ARID4A: variants seen among roughly 807,000 people sequenced by gnomAD.
The protein encoded by ARID4A is AT-rich interaction domain 4A.
Under a neutral mutation model 148.6 loss-of-function variants are expected in ARID4A, and 39 were observed. The ratio of observed to expected loss-of-function variants is 0.26; its 90% confidence interval spans 0.20 to 0.34. ARID4A has a LOEUF of 0.34. Among genes scored for constraint, ARID4A ranks in the 10% least tolerant of loss-of-function variants. The pLI is 1.00. For missense variants in ARID4A, 1,265 were observed against 1,449.1 expected, an observed-to-expected ratio of 0.87 and a Z score of 2.06; for synonymous variants, 475 against 481.2, an observed-to-expected ratio of 0.99 and a Z score of 0.17.
intron 5 of ARID4A, among the ~76,000 whole-genome samples, chr14:58,313,655 A>C (rs2032206831): frequency 6.6e-6 from 1 of 152,184 alleles, no homozygotes; most frequent in Non-Finnish European, 1.5e-5. Flanking sequence ...AGATGCCAAT[A>C]GCTAGGCTCT....
intron 3 of ARID4A, 123 bp from the exon 4 acceptor site, chr14:58,304,821 A>G (rs1261904426): frequency 2.5e-6 from 2 of 786,378 alleles, no homozygotes; most frequent in Non-Finnish European, 4.2e-6. Flanking sequence ...TAAGTATTAC[A>G]TTAGCAGGGG....
intron 13 of ARID4A, among the ~76,000 whole-genome samples, 171 bp from the exon 14 acceptor site, chr14:58,346,849 G>A (rs2034389024): frequency 7.3e-6 from 1 of 137,870 alleles, no homozygotes; most frequent in South Asian, 2.4e-4. Context: ...GATCACTTGA[G>A]CCCAGGAGGT....
At chr14:58,308,154 A>C (rs2031754434) in intron 5 of ARID4A, among the ~76,000 whole-genome samples, 1 of 152,208 alleles carries the variant, frequency 6.6e-6, no homozygotes, top group Admixed American at 6.5e-5. Context: ...GTTTCTAAAA[A>C]CTAGTCACTG....
At chr14:58,358,201 G>A (rs1263145283) in intron 17 of ARID4A, among the ~76,000 whole-genome samples, 1 of 152,136 alleles carries the variant, frequency 6.6e-6, no homozygotes, top group African/African-American at 2.4e-5. Flanking sequence ...GGGTCCAGTG[G>A]CTCACCCCTA....
At chr14:58,335,690 A>G (rs1038146083) in intron 11 of ARID4A, among the ~76,000 whole-genome samples, 6 of 151,972 alleles carry the variant, frequency 3.9e-5, no homozygotes, top group Non-Finnish European at 5.9e-5. Flanking sequence ...CCCTAAACCT[A>G]TCCTTTCCCT....
chr14:58,319,226 AT>A (rs11328441), intron 7 of ARID4A, among the ~76,000 whole-genome samples: 105,226 of 146,300 alleles, frequency 0.72, 38,063 homozygotes, highest in Middle Eastern at 0.87. Context: ...CACCCAGCTA[AT>A]TTTTTTTTTT....
chr14:58,327,548 T>C (rs2033285468), intron 8 of ARID4A, among the ~76,000 whole-genome samples: 1 of 152,172 alleles, frequency 6.6e-6, no homozygotes, highest in African/African-American at 2.4e-5. Context: ...AAGATCCTTA[T>C]TCAAGTATAT....
chr14:58,299,874 ACT>A lies in ARID4A; in HGVS notation c.6+17_6+18del. The stretch of plus-strand genomic sequence containing the variant: ...ACAAAAATGAAGGTAAGTGGAGTCA[ACT>A]CTGCCCCGATCCTCGCGCCCTGAAC... On this transcript the variant is annotated intron_variant, in intron 2 of 23. Coordinates refer to ENST00000355431, the MANE Select transcript of ARID4A (RefSeq NM_002892.4). The A allele has an allele frequency of 3.7e-6, 6 of 1,614,118 alleles. No homozygotes were observed. Among genetic ancestry groups the A allele is most frequent in the Non-Finnish European group, 5.1e-6 (6 of 1,180,020 alleles).
At chr14:58,330,238 A>C in intron 11 of ARID4A, 69 bp downstream of exon 11, 1 of 1,532,708 alleles carries the variant, frequency 6.5e-7, no homozygotes, top group African/African-American at 1.4e-5. Flanking sequence ...ACCTTCATAT[A>C]TTTTTCCCTC....
intron 23 of ARID4A, among the ~76,000 whole-genome samples, chr14:58,367,868 G>C (rs1368517147): frequency 6.6e-6 from 1 of 152,170 alleles, no homozygotes; most frequent in African/African-American, 2.4e-5. Flanking sequence ...AACTGTCCCA[G>C]CAGATGAGAT....
At chr14:58,369,302 C>T (rs1468897418) in intron 23 of ARID4A, among the ~76,000 whole-genome samples, 1 of 152,052 alleles carries the variant, frequency 6.6e-6, no homozygotes, top group Non-Finnish European at 1.5e-5. Context: ...ATCACCAAAG[C>T]ATATGAAATT....
intron 22 of ARID4A, 58 bp downstream of exon 22, chr14:58,366,288 A>G (rs1254765329): frequency 7.8e-7 from 1 of 1,279,380 alleles, no homozygotes; most frequent in Admixed American, 2.0e-5. Flanking sequence ...TAGATCTTAA[A>G]ATATCAACTT....
chr14:58,361,146 C>G, intron 19 of ARID4A, 104 bp downstream of exon 19: 1 of 1,450,838 alleles, frequency 6.9e-7, no homozygotes, highest in Non-Finnish European at 9.1e-7. Flanking sequence ...AAATCAATAA[C>G]ATAAATAATA....
intron 5 of ARID4A, among the ~76,000 whole-genome samples, chr14:58,316,813 C>T (rs60038349): frequency 1.3e-5 from 2 of 152,054 alleles, no homozygotes; most frequent in East Asian, 3.9e-4. Flanking sequence ...CTCCCGACCT[C>T]AGGTGGTCCG....
At position 58,314,344 on chromosome 14, in the gene ARID4A, A is replaced by G. The variant is rs1015857506; in HGVS notation, c.275-4198A>G. Among the ~76,000 whole-genome samples, 4 of 152,206 alleles carry G rather than the reference A, an allele frequency of 2.6e-5. No individual in the cohort carries two copies. The East Asian group carries it at 7.7e-4, about 29-fold the overall frequency. On this transcript the variant is annotated intron_variant, in intron 5 of 23. Coordinates refer to ENST00000355431, the MANE Select transcript of ARID4A (RefSeq NM_002892.4). ...GCTCTAAGATGGAAGTTAAGAGAGGAACTTTCTTTTAGATGGAGCTTCTTC... is the reference window on the plus strand; with the variant it reads ...GCTCTAAGATGGAAGTTAAGAGAGGGACTTTCTTTTAGATGGAGCTTCTTC...
At chr14:58,328,469 TG>T (rs1237648130) in intron 9 of ARID4A, among the ~76,000 whole-genome samples, 153 bp downstream of exon 9, 1 of 152,162 alleles carries the variant, frequency 6.6e-6, no homozygotes, top group African/African-American at 2.4e-5. Flanking sequence ...CTTTTTGTAA[TG>T]TAGGGTATTT....
intron 7 of ARID4A, among the ~76,000 whole-genome samples, chr14:58,320,599 CTTTTT>C (rs778275420): frequency 1.2e-3 from 149 of 127,586 alleles, no homozygotes; most frequent in African/African-American, 4.0e-3. Flanking sequence ...ATGACATTGA[CTTTTT>C]TTTTTTTTTT....
At chr14:58,308,086 G>A (rs2031749556) in intron 5 of ARID4A, among the ~76,000 whole-genome samples, 1 of 152,138 alleles carries the variant, frequency 6.6e-6, no homozygotes. Context: ...CTTTATCCCA[G>A]AGTAGTTATT....
chr14:58,318,524 AT>A lies in ARID4A; in HGVS notation c.275-17del. On this transcript the variant is annotated splice_polypyrimidine_tract_variant and intron_variant, in intron 5 of 23. Coordinates refer to ENST00000355431, the MANE Select transcript of ARID4A (RefSeq NM_002892.4). The stretch of plus-strand genomic sequence containing the variant: ...CATTAGTGTGCATAAATTCTCTGTT[AT>A]CTTTTGCTTATTATAGTGTTTGATG... The A allele has an allele frequency of 6.2e-7, 1 of 1,612,342 alleles. No individual in the cohort carries two copies. The highest frequency in any genetic ancestry group is 8.5e-7 in the Non-Finnish European group (1 of 1,178,546).
Sources: allele counts gnomAD v4.1 joint callset (sites outside exome capture counted in the v4.1 genomes callset), GRCh38; gene constraint gnomAD v4.1.1; transcripts MANE v1.5; gene names NCBI Gene and HGNC (gene_info 2026-07-23, HGNC 2026-07-21).